The following FGD3 variants were observed in gnomAD, a reference collection of about 807,000 sequenced individuals.
The protein encoded by FGD3 is FYVE, RhoGEF and PH domain containing 3, also known as FYVE, RhoGEF and PH domain-containing protein 3.
FGD3 carries 45 observed loss-of-function variants against 71.8 expected under a neutral mutation model. The observed-to-expected ratio is 0.63, with a 90% CI of 0.49 to 0.80. The LOEUF (loss-of-function observed/expected upper bound fraction) is 0.80, where lower values mean the gene tolerates loss of function less well. Ranked by LOEUF, FGD3 falls within the 30% of genes least tolerant of loss-of-function variation. The pLI, the probability that FGD3 is intolerant of heterozygous loss-of-function variation, is 0.00. For missense variants in FGD3, 844 were observed against 951.5 expected (o/e 0.89, Z 1.49); for synonymous variants, 378 against 392.8 (o/e 0.96, Z 0.44).
At chr9:93,002,317 C>A (rs1016238607) in intron 3 of FGD3, among the ~76,000 whole-genome samples, 1 of 152,138 alleles carries the variant, frequency 6.6e-6, no homozygotes, top group Non-Finnish European at 1.5e-5. Flanking sequence ...GGCACGGTGG[C>A]TCACACCTGT....
intron 3 of FGD3, among the ~76,000 whole-genome samples, chr9:93,002,564 G>T (rs1860895521): frequency 6.6e-6 from 1 of 152,176 alleles, no homozygotes; most frequent in African/African-American, 2.4e-5. Context: ...TGGCTTGGGT[G>T]CTGTAGCTTC....
intron 8 of FGD3, among the ~76,000 whole-genome samples, chr9:93,012,187 AG>A (rs1564162812): frequency 6.6e-6 from 1 of 151,466 alleles, no homozygotes; most frequent in African/African-American, 2.4e-5. Flanking sequence ...AACAAAAACC[AG>A]GGGGAAAAAA....
At chr9:93,026,923 C>T (rs550126820) in intron 14 of FGD3, among the ~76,000 whole-genome samples, 16 of 152,352 alleles carry the variant, frequency 1.1e-4, no homozygotes, top group African/African-American at 3.4e-4. Flanking sequence ...GGCTGCCCTT[C>T]CACTAATCAC....
chr9:92,998,003 T>A (rs534859962), intron 3 of FGD3, among the ~76,000 whole-genome samples: 3 of 152,340 alleles, frequency 2.0e-5, no homozygotes, highest in East Asian at 3.9e-4. Context: ...TTCCTGAATT[T>A]GAATGTTGGC....
At chr9:93,017,539 C>T (rs1475623463) in intron 10 of FGD3, among the ~76,000 whole-genome samples, 2 of 152,096 alleles carry the variant, frequency 1.3e-5, no homozygotes, top group Non-Finnish European at 2.9e-5. Context: ...GCTACTGCGC[C>T]CGGCCATGGT....
intron 13 of FGD3, 24 bp downstream of exon 13, chr9:93,020,448 G>T: frequency 6.2e-7 from 1 of 1,601,912 alleles, no homozygotes; most frequent in South Asian, 1.1e-5. Flanking sequence ...CCGGGGTGCA[G>T]AGAGACCTCC....
At position 93,020,577 on chromosome 9, in the gene FGD3, ATAAAAACT is replaced by A; in HGVS notation, c.1494+157_1494+164del. ...ACAGCGGGCACTCCCTTGTGTTAAA[ATAAAAACT>A]TAAGACAAATTAAATTTAACAATTT... On this transcript the variant is annotated intron_variant, in intron 13 of 17. Coordinates refer to ENST00000375482, the MANE Select transcript of FGD3 (RefSeq NM_001083536.2). The A allele has an allele frequency of 6.3e-6, 4 of 633,552 alleles. No homozygotes were observed. The South Asian group carries it at 7.1e-5, about 11-fold the overall frequency. 39.2% of individuals were successfully genotyped at this position (633,552 alleles called of 1,614,324 possible). A position where few individuals can be genotyped will look rare whatever the true frequency, so the allele number is the denominator to read the frequency against.
At chr9:93,008,743 C>G (rs763757582) in intron 6 of FGD3, among the ~76,000 whole-genome samples, 3 of 152,208 alleles carry the variant, frequency 2.0e-5, no homozygotes, top group Admixed American at 6.5e-5. Context: ...GTGGGCGGAT[C>G]ACCTGAGGTC....
intron 3 of FGD3, among the ~76,000 whole-genome samples, chr9:93,001,578 T>C (rs1860860418): frequency 6.6e-6 from 1 of 152,236 alleles, no homozygotes; most frequent in South Asian, 2.1e-4. Flanking sequence ...TCAGATTCCG[T>C]TGACCCAAGA....
At chr9:92,982,814 G>A (rs548591780) in intron 3 of FGD3, among the ~76,000 whole-genome samples, 37 of 152,258 alleles carry the variant, frequency 2.4e-4, no homozygotes, top group South Asian at 2.1e-4. Flanking sequence ...GGCCAGGGAC[G>A]GTGGCTCATG....
chr9:93,032,954 A>G, intron 16 of FGD3, 81 bp downstream of exon 16: 4 of 1,326,420 alleles, frequency 3.0e-6, no homozygotes, highest in Non-Finnish European at 4.3e-6. Flanking sequence ...CAGCAGCTCC[A>G]GCTGCCTCTG....
chr9:93,010,151 G>A (rs916113934), intron 6 of FGD3, 95 bp from the exon 7 acceptor site: 23 of 1,464,960 alleles, frequency 1.6e-5, no homozygotes, highest in Admixed American at 1.1e-4. Flanking sequence ...AGCCAGTTCC[G>A]GGCAGCTTCC....
chr9:92,971,268 C>T (rs796883053), intron 1 of FGD3, among the ~76,000 whole-genome samples: 22 of 152,178 alleles, frequency 1.4e-4, no homozygotes, highest in African/African-American at 5.3e-4. Flanking sequence ...GGTGAGTGTC[C>T]TTCATTTGTT....
intron 3 of FGD3, among the ~76,000 whole-genome samples, chr9:92,994,496 C>T (rs1587838055): frequency 3.9e-5 from 6 of 152,284 alleles, no homozygotes; most frequent in African/African-American, 1.4e-4. Flanking sequence ...TCAATTTTGG[C>T]TTTTGTTGCC....
intron 3 of FGD3, among the ~76,000 whole-genome samples, chr9:93,001,820 G>A (rs112078465): frequency 2.6e-5 from 4 of 152,290 alleles, no homozygotes; most frequent in African/African-American, 9.6e-5. Context: ...GAATTGGCCT[G>A]CCACAATAGG....
rs1273502313 is a variant in FGD3 at position 93,032,926 on chromosome 9, A to G, written c.1785+53A>G. On this transcript the variant is annotated intron_variant, in intron 16 of 17. Coordinates refer to ENST00000375482, the MANE Select transcript of FGD3 (RefSeq NM_001083536.2). ...CCTGGTGGCGCGGCAGAGCCTCCAGACACCTGCTCCTGTGCCCCAGCAGCT... is the reference window on the plus strand; with the variant it reads ...CCTGGTGGCGCGGCAGAGCCTCCAGGCACCTGCTCCTGTGCCCCAGCAGCT... 2.7e-6 allele frequency: 4 copies of G among 1,496,458 alleles called. No homozygotes were observed. In the Admixed American group the frequency reaches 6.7e-5, roughly 25 times the overall value. 92.7% of individuals were successfully genotyped at this position (1,496,458 alleles called of 1,614,324 possible).
At chr9:92,994,989 A>T (rs1377375470) in intron 3 of FGD3, among the ~76,000 whole-genome samples, 2 of 152,190 alleles carry the variant, frequency 1.3e-5, no homozygotes, top group East Asian at 3.8e-4. Context: ...ACTTTAAAGT[A>T]GTTTTTTCCA....
intron 3 of FGD3, among the ~76,000 whole-genome samples, chr9:92,990,726 T>C (rs1860374280): frequency 6.6e-6 from 1 of 152,256 alleles, no homozygotes; most frequent in African/African-American, 2.4e-5. Flanking sequence ...TCACATTTAT[T>C]GATTTGTGTA....
intron 3 of FGD3, 74 bp downstream of exon 3, chr9:92,976,783 G>T: frequency 7.1e-7 from 1 of 1,411,258 alleles, no homozygotes; most frequent in African/African-American, 1.4e-5. Context: ...TTTTCAGTGG[G>T]CGTCATCCCA....
Sources: gnomAD v4.1 joint callset for allele counts (sites outside exome capture counted in the v4.1 genomes callset) on GRCh38, gnomAD v4.1.1 for gene constraint, MANE v1.5 for transcripts, NCBI Gene and HGNC (gene_info 2026-07-23, HGNC 2026-07-21) for gene names.